Variants in TFAP2E observed in about 807,000 individuals in gnomAD.
TFAP2E encodes transcription factor AP-2 epsilon.
A neutral mutation model predicts 37.9 loss-of-function variants in TFAP2E; 30 were observed. That is an observed-to-expected ratio of 0.79 (90% CI 0.59 to 1.07). The LOEUF is 1.07. Among genes scored for constraint, TFAP2E ranks in the 50% least tolerant of loss-of-function variants. The pLI is 0.00. For missense variants in TFAP2E, 567 were observed against 637.9 expected, an observed-to-expected ratio of 0.89 and a Z score of 1.20; for synonymous variants, 318 against 295.8, an observed-to-expected ratio of 1.08 and a Z score of -0.77.
chr1:35,576,078 G>A (rs1649161741), intron 3 of TFAP2E, among the ~76,000 whole-genome samples: 2 of 152,230 alleles, frequency 1.3e-5, no homozygotes, highest in South Asian at 4.1e-4. Flanking sequence ...GGCAGGCACT[G>A]CTCCCACAGG....
chr1:35,583,965 T>C (rs1649417481), intron 3 of TFAP2E, among the ~76,000 whole-genome samples: 2 of 152,196 alleles, frequency 1.3e-5, no homozygotes, highest in African/African-American at 4.8e-5. Flanking sequence ...TAGCAGCACC[T>C]ATGTTTGCAT....
In TFAP2E at chr1:35,594,503, T is replaced by A. The variant is rs1473646408; in HGVS notation, c.1156T>A (p.Phe386Ile). ...EPGVQSCLTH[F>I]SLITHGFGGP... ...CGGAGTACAGAGCTGCTTGACACAC[T>A]TTAGCCTCATCACCCATGGCTTCGG... The change falls in exon 7 of 7, where the codon TTT (phenylalanine) becomes ATT (isoleucine). Residue 386 changes from phenylalanine (F) to isoleucine (I), a missense_variant. Phe to Ile is a conservative substitution (Grantham distance 21). Coordinates refer to ENST00000373235, the MANE Select transcript of TFAP2E (RefSeq NM_178548.4). 2 of 1,614,160 alleles carry A rather than the reference T, an allele frequency of 1.2e-6. No homozygotes were observed. The highest frequency in any genetic ancestry group is 1.3e-5 in the African/African-American group (1 of 75,030).
intron 6 of TFAP2E, among the ~76,000 whole-genome samples, chr1:35,592,147 T>C (rs1001230274): frequency 1.3e-5 from 2 of 151,990 alleles, no homozygotes; most frequent in South Asian, 4.1e-4. Flanking sequence ...CAGTTAGGTG[T>C]GGTGGTGCAC....
intron 6 of TFAP2E, among the ~76,000 whole-genome samples, chr1:35,592,157 C>A (rs1340082942): frequency 6.6e-6 from 1 of 152,004 alleles, no homozygotes; most frequent in Non-Finnish European, 1.5e-5. Context: ...TGGTGGTGCA[C>A]TCCTGTAGTC....
rs1288270872 is a variant in TFAP2E at position 35,588,874 on chromosome 1, TAGGAAATGAACCCC to T, written c.785+327_785+340del. Among the ~76,000 whole-genome samples, 1 of 152,104 alleles carries T rather than the reference TAGGAAATGAACCCC, an allele frequency of 6.6e-6. No individual in the cohort carries two copies. Among genetic ancestry groups the T allele is most frequent in the African/African-American group, 2.4e-5 (1 of 41,414 alleles). ...AGAGGGCCATCCTCACCCCCTCTTC[TAGGAAATGAACCCC>T]AGGACCCGAGGCCCATTCTGCGCGG... On this transcript the variant is annotated intron_variant, in intron 4 of 6. Coordinates refer to ENST00000373235, the MANE Select transcript of TFAP2E (RefSeq NM_178548.4). This position sits in a 1 kb window ranked among gnomAD's most constrained non-coding sequence, Gnocchi z 5.1.
Position 35,588,478 on chromosome 1 carries a change from G to T in TFAP2E, c.711G>T (p.Thr237=). 6.2e-7 allele frequency: 1 copy of T among 1,609,130 alleles called. No individual in the cohort carries two copies. The highest frequency in any genetic ancestry group is 8.5e-7 in the Non-Finnish European group (1 of 1,179,058). The change falls in exon 4 of 7, where the codon ACG becomes ACT. Residue 237 remains threonine, a synonymous_variant. Coordinates refer to ENST00000373235, the MANE Select transcript of TFAP2E (RefSeq NM_178548.4). The surrounding 1 kb of genome is among the most constrained non-coding windows in gnomAD (Gnocchi z 5.1). ...LLSSTSKYKV[T]VGEVQRRLSP... is the part of the protein sequence containing the mutation. ...GCTCAACGTCCAAGTACAAGGTGAC[G>T]GTGGGGGAGGTGCAGCGGCGACTCT...
At chr1:35,578,936 AGCCCAGT>A (rs2148547078) in intron 3 of TFAP2E, among the ~76,000 whole-genome samples, 1 of 151,434 alleles carries the variant, frequency 6.6e-6, no homozygotes, top group African/African-American at 2.4e-5. Flanking sequence ...TACAAAAATT[AGCCCAGT>A]GTGGTGGCGC....
Position 35,591,000 on chromosome 1 carries a change from GCA to G in TFAP2E, c.1046+233_1046+234del, listed in dbSNP as rs1197226331. ...GCGCCACTGTGTACGTGAGCAGTGG[GCA>G]CACACACGTACGTGCGCGCCACTGT... On this transcript the variant is annotated intron_variant, in intron 6 of 6. Coordinates refer to ENST00000373235, the MANE Select transcript of TFAP2E (RefSeq NM_178548.4). The surrounding 1 kb of genome is among the most constrained non-coding windows in gnomAD (Gnocchi z 6.2). Among the ~76,000 whole-genome samples the G allele has an allele frequency of 1.3e-5, 2 of 152,040 alleles. No homozygotes were observed. Among genetic ancestry groups the G allele is most frequent in the East Asian group, 1.9e-4 (1 of 5,176 alleles).
intron 6 of TFAP2E, among the ~76,000 whole-genome samples, chr1:35,592,929 A>C (rs76715599): frequency 0.02 from 3,084 of 152,254 alleles, 91 homozygotes; most frequent in East Asian, 0.062. Flanking sequence ...TCACCTCCTA[A>C]TACTATCACC....
At chr1:35,576,913 A>T (rs779349119) in intron 3 of TFAP2E, among the ~76,000 whole-genome samples, 8 of 151,328 alleles carry the variant, frequency 5.3e-5, no homozygotes, top group Non-Finnish European at 1.2e-4. Context: ...GGCCACGCGG[A>T]CTCACGTGCA....
chr1:35,588,006 AGGG>A lies in TFAP2E; in HGVS notation c.563-322_563-320del, dbSNP rs1206989052. On this transcript the variant is annotated intron_variant, in intron 3 of 6. Coordinates refer to ENST00000373235, the MANE Select transcript of TFAP2E (RefSeq NM_178548.4). The surrounding 1 kb of genome is among the most constrained non-coding windows in gnomAD (Gnocchi z 5.1). ...TGGCCTGACCCTGCTGCAGGGCCCC[AGGG>A]GTCCTGCCTCCAGCTCACACTCATA... Among the ~76,000 whole-genome samples the A allele has an allele frequency of 6.6e-6, 1 of 152,082 alleles. No individual in the cohort carries two copies. Among genetic ancestry groups the A allele is most frequent in the East Asian group, 1.9e-4 (1 of 5,174 alleles).
chr1:35,594,441 C>A lies in TFAP2E; in HGVS notation c.1094C>A (p.Pro365Gln), dbSNP rs540842365. ...FADLMAQDRS[P>Q]LGNSRPALIL... ...GACTTGATGGCTCAGGACCGCTCAC[C>A]GCTGGGCAACAGCCGCCCAGCACTC... Residue 365 changes from proline (P) to glutamine (Q), a missense_variant, in exon 7 of 7, where the codon CCG (proline) becomes CAG (glutamine). Around this residue, in one of 3 missense-constraint regions of TFAP2E, gnomAD observed 252 missense variants for 302.6 expected, o/e 0.83. Coordinates refer to ENST00000373235, the MANE Select transcript of TFAP2E (RefSeq NM_178548.4). The A allele has an allele frequency of 5.0e-6, 8 of 1,613,998 alleles. No homozygotes were observed. The East Asian group carries it at 1.8e-4, about 36-fold the overall frequency.
In TFAP2E at chr1:35,588,365, CT is replaced by C. The variant is rs764500548; in HGVS notation, c.599del (p.Leu200ProfsTer37). The C allele has an allele frequency of 4.3e-6, 7 of 1,613,490 alleles. No homozygotes were observed. The highest frequency in any genetic ancestry group is 5.1e-6 in the Non-Finnish European group (6 of 1,179,930). On this transcript the variant is annotated frameshift_variant, in exon 4 of 7. Transcript: ENST00000373235. LOFTEE classifies it high-confidence loss of function. The surrounding 1 kb of genome is among the most constrained non-coding windows in gnomAD (Gnocchi z 5.1). ...IPSKASSLSA[L>X]SLAKDSLVGG... ...CTCCAAAGCCAGCAGCCTCTCAGCCCTCTCCTTGGCCAAAGACAGCCTGGTG... is the reference window on the plus strand; with the variant it reads ...CTCCAAAGCCAGCAGCCTCTCAGCCCCTCCTTGGCCAAAGACAGCCTGGTG...
At chr1:35,581,511 T>A (rs1237474761) in intron 3 of TFAP2E, among the ~76,000 whole-genome samples, 1 of 152,216 alleles carries the variant, frequency 6.6e-6, no homozygotes, top group Admixed American at 6.5e-5. Context: ...TTATTTTGCA[T>A]TCTCACCAGC....
In TFAP2E at chr1:35,590,516, G is replaced by C; in HGVS notation, c.905-118G>C. 8.4e-7 allele frequency: 1 copy of C among 1,192,654 alleles called. No individual in the cohort carries two copies. Among genetic ancestry groups the C allele is most frequent in the Middle Eastern group, 3.1e-4 (1 of 3,178 alleles). The allele number at this position is 1,192,654 out of a possible 1,614,324, so 73.9% of individuals were successfully genotyped here. On this transcript the variant is annotated intron_variant, in intron 5 of 6. Coordinates refer to ENST00000373235, the MANE Select transcript of TFAP2E (RefSeq NM_178548.4). The surrounding 1 kb of genome is among the most constrained non-coding windows in gnomAD (Gnocchi z 6.2). ...GCTGGGCTGGGAAGGAACATCAGAG[G>C]GGGCATCTACACAGGCAGGATGGGG...
Position 35,588,502 on chromosome 1 carries a change from CTCGCCTCCCGAG to C in TFAP2E, c.737_748del (p.Ser246_Glu249del). 1 of 1,606,638 alleles carries C rather than the reference CTCGCCTCCCGAG, an allele frequency of 6.2e-7. No homozygotes were observed. The highest frequency in any genetic ancestry group is 8.5e-7 in the Non-Finnish European group (1 of 1,177,552). On this transcript the variant is annotated inframe_deletion, in exon 4 of 7. Transcript: ENST00000373235. The surrounding 1 kb of genome is among the most constrained non-coding windows in gnomAD (Gnocchi z 5.1). ...CGGTGGGGGAGGTGCAGCGGCGACT[CTCGCCTCCCGAG>C]TGCCTCAACGCCTCCCTCCTGGGGG...
At chr1:35,593,051 GAA>G (rs1437824883) in intron 6 of TFAP2E, among the ~76,000 whole-genome samples, 3 of 152,056 alleles carry the variant, frequency 2.0e-5, no homozygotes, top group African/African-American at 7.2e-5. Context: ...AAGAGAGAAA[GAA>G]AGAGAGAGAG....
chr1:35,578,504 A>G (rs1649248353), intron 3 of TFAP2E, among the ~76,000 whole-genome samples: 2 of 151,166 alleles, frequency 1.3e-5, no homozygotes, highest in Non-Finnish European at 2.9e-5. Context: ...GTGGTCAAGG[A>G]TGAGAACTGA....
At chr1:35,586,495 A>G (rs190137457) in intron 3 of TFAP2E, among the ~76,000 whole-genome samples, 1 of 152,326 alleles carries the variant, frequency 6.6e-6, no homozygotes, top group Non-Finnish European at 1.5e-5. Flanking sequence ...GGACTGGGGC[A>G]GGGTGACCAG....
Sources: gnomAD v4.1 joint callset for allele counts (sites outside exome capture counted in the v4.1 genomes callset) on GRCh38, gnomAD v4.1.1 for gene constraint, gnomAD v4.1.1 regional missense constraint, Gnocchi (gnomAD v3.1) non-coding constraint, MANE v1.5 for transcripts, NCBI Gene and HGNC (gene_info 2026-07-23, HGNC 2026-07-21) for gene names.